The following PPIP5K1 variants were observed in gnomAD, a reference collection of about 807,000 sequenced individuals.
The protein encoded by PPIP5K1 is inositol hexakisphosphate and diphosphoinositol-pentakisphosphate kinase 1.
PPIP5K1 carries 6 observed loss-of-function variants against 27.7 expected under a neutral mutation model. The observed-to-expected ratio is 0.22, with a 90% CI of 0.12 to 0.43. The LOEUF is 0.43. Among genes scored for constraint, PPIP5K1 ranks in the 20% least tolerant of loss-of-function variants. The pLI, the probability that PPIP5K1 is intolerant of heterozygous loss-of-function variation, is 1.00. For synonymous variants in PPIP5K1, 145 were observed against 242.6 expected (o/e 0.60, Z 3.74); for missense variants, 394 against 635.4 (o/e 0.62, Z 4.08).
intron 31 of PPIP5K1, among the ~76,000 whole-genome samples, chr15:43,537,930 C>T (rs1297347096): frequency 1.3e-5 from 2 of 151,334 alleles, no homozygotes; most frequent in Non-Finnish European, 2.9e-5. Context: ...CCTTAATATC[C>T]TGCTAGTGGT....
intron 11 of PPIP5K1, among the ~76,000 whole-genome samples, chr15:43,578,535 CAAAAAA>C (rs150737493): frequency 6.8e-4 from 20 of 29,594 alleles, no homozygotes; most frequent in South Asian, 2.4e-3. Context: ...GATCCTGTCG[CAAAAAA>C]AAAAAAAAAA....
Position 43,544,652 on chromosome 15 carries a change from TG to T in PPIP5K1, c.3557-5070del, listed in dbSNP as rs574495018. On this transcript the variant is annotated intron_variant, in intron 30 of 31. Transcript: ENST00000420765. The stretch of plus-strand genomic sequence containing the variant: ...TCTACAAAAAATTTTAAAAATTATC[TG>T]GGCATGGTGGCACATGCCTGTAGTC... Among the ~76,000 whole-genome samples, 875 of 152,224 alleles carry T rather than the reference TG, an allele frequency of 5.7e-3. 4 individuals carry two copies. The highest frequency in any genetic ancestry group is 7.7e-3 in the Non-Finnish European group (526 of 68,028).
At chr15:43,544,323 C>G (rs1436837367) in intron 30 of PPIP5K1, among the ~76,000 whole-genome samples, 2 of 151,770 alleles carry the variant, frequency 1.3e-5, no homozygotes, top group Non-Finnish European at 2.9e-5. Flanking sequence ...AATAATATAT[C>G]CTGGTGATTA....
rs1372313904 is a variant in PPIP5K1, at chr15:43,534,360, G to C, written c.*314C>G. On this transcript the variant is annotated 3_prime_UTR_variant, in exon 32 of 32. Transcript: ENST00000420765. ...TAAGTGAGGAGCCAATGGCTTCTTC[G>C]AACCTAAAACTGGCTCCTCCTCAAC... 8 of 238,748 alleles carry C rather than the reference G, an allele frequency of 3.4e-5. No homozygotes were observed. Among genetic ancestry groups the C allele is most frequent in the Non-Finnish European group, 5.6e-5 (7 of 124,040 alleles). 14.8% of individuals were successfully genotyped at this position (238,748 alleles called of 1,614,324 possible). A position where few individuals can be genotyped will look rare whatever the true frequency, so the allele number is the denominator to read the frequency against.
chr15:43,581,218 C>G lies in PPIP5K1; in HGVS notation c.939+9G>C. On this transcript the variant is annotated intron_variant, in intron 9 of 31. Transcript: ENST00000420765. Reference sequence around the variant, plus strand: ...CTTCATTTCACAACCTCCCTGGGCCCTCCTCTACCTTGAAAGCTACGCAGA... The same window carrying G: ...CTTCATTTCACAACCTCCCTGGGCCGTCCTCTACCTTGAAAGCTACGCAGA... 3 of 1,588,030 alleles carry G rather than the reference C, an allele frequency of 1.9e-6. No individual in the cohort carries two copies. The highest frequency in any genetic ancestry group is 2.6e-6 in the Non-Finnish European group (3 of 1,172,752).
intron 30 of PPIP5K1, among the ~76,000 whole-genome samples, chr15:43,557,787 C>T (rs1471455434): frequency 6.6e-6 from 1 of 150,818 alleles, no homozygotes; most frequent in Non-Finnish European, 1.5e-5. Flanking sequence ...GTTTCAACAT[C>T]CCAAGTAGAT....
At chr15:43,541,488 G>A (rs536175297) in intron 30 of PPIP5K1, among the ~76,000 whole-genome samples, 49 of 152,150 alleles carry the variant, frequency 3.2e-4, no homozygotes, top group African/African-American at 1.1e-3. Flanking sequence ...AGGCCGAGGC[G>A]GGTAGATCAC....
At chr15:43,558,180 C>T (rs2141094084) in intron 30 of PPIP5K1, among the ~76,000 whole-genome samples, 1 of 151,350 alleles carries the variant, frequency 6.6e-6, no homozygotes, top group East Asian at 1.9e-4. Context: ...TCCTAGCCTC[C>T]CAAGCAGCTG....
intron 30 of PPIP5K1, among the ~76,000 whole-genome samples, chr15:43,542,518 T>C (rs545249017): frequency 3.9e-4 from 59 of 150,758 alleles, no homozygotes; most frequent in African/African-American, 1.4e-3. Context: ...CTCGAACTCC[T>C]GAACTCAAGT....
chr15:43,550,216 A>C (rs1211393865), intron 30 of PPIP5K1, among the ~76,000 whole-genome samples: 1 of 151,642 alleles, frequency 6.6e-6, no homozygotes, highest in Non-Finnish European at 1.5e-5. Context: ...AGTCACTGCC[A>C]CCTTGACCTC....
intron 30 of PPIP5K1, among the ~76,000 whole-genome samples, chr15:43,556,649 TAG>T (rs1375192561): frequency 1.3e-5 from 2 of 152,312 alleles, no homozygotes; most frequent in East Asian, 3.9e-4. Context: ...CTGAATAAGT[TAG>T]AGTTAGGCAA....
intron 30 of PPIP5K1, among the ~76,000 whole-genome samples, chr15:43,552,012 G>T (rs1182750897): frequency 4.7e-5 from 7 of 149,858 alleles, no homozygotes; most frequent in Non-Finnish European, 8.9e-5. Context: ...GGAATGCAAT[G>T]GTACAATCTC....
rs760942089 is a variant in PPIP5K1 at position 43,539,490 on chromosome 15, C to T, written c.3650G>A (p.Arg1217His). The change falls in exon 31 of 32, where the codon CGC (arginine) becomes CAC (histidine). Residue 1217 changes from arginine to histidine, a missense_variant. By Grantham distance (29) the Arg-to-His change is conservative (BLOSUM62 0). This residue lies in a region of PPIP5K1 where 379 missense variants were observed against 423.9 expected (regional missense o/e 0.89). Transcript: ENST00000420765. Reference protein sequence around the residue: ...LHSPPLQLQQRSEKPPWYSSG... With the variant: ...LHSPPLQLQQHSEKPPWYSSG... ...CTTACACCAAGGGGGCTTCTCAGAG[C>T]GCTGCTGGAGTTGCAGGGGAGGTGA... 1.2e-5 allele frequency: 20 copies of T among 1,600,220 alleles called. No individual in the cohort carries two copies. The highest frequency in any genetic ancestry group is 4.5e-5 in the South Asian group (4 of 89,138).
chr15:43,552,502 G>A (rs1025673890), intron 30 of PPIP5K1, among the ~76,000 whole-genome samples: 5 of 147,438 alleles, frequency 3.4e-5, no homozygotes. Context: ...GCTCAGCCTG[G>A]GCAACATGGT....
At position 43,565,533 on chromosome 15, in the gene PPIP5K1, T is replaced by C. The variant is rs982201388; in HGVS notation, c.3047-541A>G. On this transcript the variant is annotated intron_variant, in intron 26 of 31. Coordinates refer to ENST00000420765, the MANE Select transcript of PPIP5K1 (RefSeq NM_001394395.1). ...CAGGCCTTTTGACCTTTCCCAAGAA[T>C]GAAAGTATGAGGCTCACAATTTTTT... is the stretch of plus-strand genomic sequence containing the variant. 1.4e-5 allele frequency among the ~76,000 whole-genome samples: 2 copies of C among 145,624 alleles called. 1 individual carries two copies. The highest frequency in any genetic ancestry group is 5.4e-5 in the African/African-American group (2 of 37,160).
At chr15:43,543,525 T>C (rs543026552) in intron 30 of PPIP5K1, among the ~76,000 whole-genome samples, 2 of 151,964 alleles carry the variant, frequency 1.3e-5, no homozygotes, top group East Asian at 3.9e-4. Context: ...TCAAGTTATT[T>C]CCCCATGGAA....
At chr15:43,551,517 C>A (rs1345935480) in intron 30 of PPIP5K1, among the ~76,000 whole-genome samples, 3 of 115,486 alleles carry the variant, frequency 2.6e-5, no homozygotes, top group Non-Finnish European at 5.1e-5. Context: ...GACTCTGTCT[C>A]AAAAAAAAAA....
intron 30 of PPIP5K1, among the ~76,000 whole-genome samples, chr15:43,542,264 G>A (rs2080824840): frequency 6.6e-6 from 1 of 150,668 alleles, no homozygotes; most frequent in African/African-American, 2.4e-5. Context: ...CAATAGTGCT[G>A]GATGAGTATT....
intron 30 of PPIP5K1, among the ~76,000 whole-genome samples, chr15:43,541,415 T>A (rs1040538844): frequency 2.0e-5 from 3 of 151,970 alleles, no homozygotes; most frequent in Non-Finnish European, 4.4e-5. Context: ...CCCCAGCCCA[T>A]AGTAACTTTT....
Sources: allele counts gnomAD v4.1 joint callset (sites outside exome capture counted in the v4.1 genomes callset), GRCh38; gene constraint gnomAD v4.1.1; regional missense constraint gnomAD v4.1.1; transcripts MANE v1.5; gene names NCBI Gene and HGNC (gene_info 2026-07-23, HGNC 2026-07-21).